The following RBFOX1 variants were observed in gnomAD, a reference collection of about 807,000 sequenced individuals.
RBFOX1 encodes RNA binding protein fox-1 homolog 1.
RBFOX1 carries 8 observed loss-of-function variants against 57.7 expected under a neutral mutation model. That is an observed-to-expected ratio of 0.14 (90% CI 0.08 to 0.25). RBFOX1 has a LOEUF of 0.25. RBFOX1 is among the 10% of genes least tolerant of loss of function. RBFOX1 has a pLI of 1.00. For synonymous variants in RBFOX1, 326 were observed against 222.4 expected (o/e 1.47, Z -4.15); for missense variants, 611 against 548.5 (o/e 1.11, Z -1.14).
At chr16:6,563,826 C>CA (rs138609592) in intron 2 of RBFOX1, among the ~76,000 whole-genome samples, 3,892 of 140,208 alleles carry the variant, frequency 0.028, 133 homozygotes, top group African/African-American at 0.082. Context: ...ATCCTGTCTC[C>CA]AAAAAAAAAA....
intron 4 of RBFOX1, among the ~76,000 whole-genome samples, chr16:7,181,002 G>C (rs573718194): frequency 6.6e-6 from 1 of 152,324 alleles, no homozygotes; most frequent in South Asian, 2.1e-4. Context: ...CAATGCAAAA[G>C]CAATGGAATG....
chr16:7,323,318 G>A (rs1430710058), intron 4 of RBFOX1, among the ~76,000 whole-genome samples: 1 of 152,154 alleles, frequency 6.6e-6, no homozygotes, highest in African/African-American at 2.4e-5. Context: ...CAGGTTTTCA[G>A]GAGTCTGAGG....
intron 4 of RBFOX1, among the ~76,000 whole-genome samples, chr16:7,085,097 T>TTGTGTGTGTG (rs113032117): frequency 6.6e-6 from 1 of 151,268 alleles, no homozygotes; most frequent in Admixed American, 6.6e-5. Context: ...GTATCTAAAG[T>TTGTGTGTGTG]TGTGTGTGTG....
intron 2 of RBFOX1, among the ~76,000 whole-genome samples, chr16:6,625,119 C>T (rs529052771): frequency 8.2e-5 from 10 of 122,382 alleles, no homozygotes; most frequent in Admixed American, 7.8e-4. Context: ...GAGTCAAGAT[C>T]GTGCCATTGC....
chr16:6,890,276 T>A (rs1224716246), intron 3 of RBFOX1, among the ~76,000 whole-genome samples: 1 of 152,130 alleles, frequency 6.6e-6, no homozygotes, highest in African/African-American at 2.4e-5. Flanking sequence ...CCTGGCACTT[T>A]GGGAGGCCGA....
chr16:5,519,138 G>C (rs2043913836), intron 2 of RBFOX1, among the ~76,000 whole-genome samples: 1 of 152,220 alleles, frequency 6.6e-6, no homozygotes, highest in African/African-American at 2.4e-5. Flanking sequence ...CAAGCCTCCA[G>C]AACTGTGAGA....
intron 1 of RBFOX1, among the ~76,000 whole-genome samples, chr16:6,107,155 GT>G (rs1374818076): frequency 2.6e-5 from 4 of 151,816 alleles, no homozygotes; most frequent in African/African-American, 9.7e-5. Context: ...TTGTTTTTTT[GT>G]TTTTTTAGTT....
At chr16:5,396,780 C>T (rs1426596155) in intron 1 of RBFOX1, among the ~76,000 whole-genome samples, 1 of 152,210 alleles carries the variant, frequency 6.6e-6, no homozygotes, top group African/African-American at 2.4e-5. Flanking sequence ...TTAGATGGAG[C>T]ATTTTATTAT....
At chr16:7,396,085 T>G (rs925782028) in intron 4 of RBFOX1, among the ~76,000 whole-genome samples, 5 of 152,096 alleles carry the variant, frequency 3.3e-5, no homozygotes, top group Non-Finnish European at 7.4e-5. Context: ...CAGGGTGCTC[T>G]CAGCTTGTAA....
intron 3 of RBFOX1, among the ~76,000 whole-genome samples, chr16:5,724,297 C>A (rs905466811): frequency 6.6e-6 from 1 of 152,120 alleles, no homozygotes; most frequent in African/African-American, 2.4e-5. Context: ...CCCTTGCGCA[C>A]CCTAAAGGCA....
intron 2 of RBFOX1, among the ~76,000 whole-genome samples, chr16:6,476,412 A>G (rs1445945837): frequency 1.3e-5 from 2 of 152,216 alleles, no homozygotes; most frequent in African/African-American, 2.4e-5. Context: ...TACAGTAAAT[A>G]TCATAATAGA....
chr16:5,836,796 C>A (rs2056472856), intron 3 of RBFOX1, among the ~76,000 whole-genome samples: 1 of 152,202 alleles, frequency 6.6e-6, no homozygotes, highest in Admixed American at 6.5e-5. Flanking sequence ...CCTGACATTG[C>A]CAAAAGTTGC....
At chr16:5,299,811 G>T (rs2063759631) in intron 1 of RBFOX1, among the ~76,000 whole-genome samples, 1 of 151,958 alleles carries the variant, frequency 6.6e-6, no homozygotes, top group African/African-American at 2.4e-5. Context: ...AACTAACTAG[G>T]AATTCTAGTA....
chr16:7,481,125 C>G (rs1303720677), intron 4 of RBFOX1, among the ~76,000 whole-genome samples: 1 of 152,014 alleles, frequency 6.6e-6, no homozygotes, highest in Admixed American at 6.5e-5. Context: ...CTATTTTTTT[C>G]ATTTGTTCAA....
rs149723554 is a variant in RBFOX1 at position 7,149,435 on chromosome 16, G to A, written c.27+97337G>A. Among the ~76,000 whole-genome samples, 656 of 151,284 alleles carry A rather than the reference G, an allele frequency of 4.3e-3. 2 individuals carry two copies. The highest frequency in any genetic ancestry group is 0.015 in the African/African-American group (628 of 41,198). On this transcript the variant is annotated intron_variant, in intron 4 of 15. Transcript: ENST00000550418. ...TTGCTTAAGACCACTGTCTTTCATGGATTGGTGCAAGCTTCCTGTGGCTCT... is the reference window on the plus strand; with the variant it reads ...TTGCTTAAGACCACTGTCTTTCATGAATTGGTGCAAGCTTCCTGTGGCTCT...
chr16:6,684,343 A>G (rs1344942463), intron 3 of RBFOX1, among the ~76,000 whole-genome samples: 2 of 152,198 alleles, frequency 1.3e-5, no homozygotes, highest in Non-Finnish European at 2.9e-5. Flanking sequence ...ATGCTTTTAT[A>G]TAGTTTTTGA....
intron 2 of RBFOX1, among the ~76,000 whole-genome samples, chr16:5,523,234 C>G (rs573856227): frequency 6.6e-6 from 1 of 151,790 alleles, no homozygotes; most frequent in African/African-American, 2.4e-5. Flanking sequence ...TACAGTGAGC[C>G]GAGATCGCGC....
intron 2 of RBFOX1, among the ~76,000 whole-genome samples, chr16:6,636,582 A>G (rs1260754185): frequency 6.6e-6 from 1 of 151,584 alleles, no homozygotes; most frequent in Admixed American, 6.6e-5. Flanking sequence ...TATTTGGTTT[A>G]AGTTATTTTG....
chr16:5,824,468 C>T (rs1041286828), intron 3 of RBFOX1, among the ~76,000 whole-genome samples: 4 of 152,198 alleles, frequency 2.6e-5, no homozygotes, highest in Non-Finnish European at 5.9e-5. Flanking sequence ...AGGGCACATT[C>T]CCAGGGCCCC....
Sources: allele counts gnomAD v4.1 joint callset (sites outside exome capture counted in the v4.1 genomes callset), GRCh38; gene constraint gnomAD v4.1.1; transcripts MANE v1.5; gene names NCBI Gene and HGNC (gene_info 2026-07-23, HGNC 2026-07-21).